The following MIS18BP1 variants were observed in gnomAD, a reference collection of about 807,000 sequenced individuals.
MIS18BP1 encodes MIS18 binding protein 1, also known as mis18-binding protein 1.
MIS18BP1 carries 72 observed loss-of-function variants against 116.1 expected under a neutral mutation model. The ratio of observed to expected loss-of-function variants is 0.62; its 90% CI spans 0.51 to 0.75. MIS18BP1 has a LOEUF of 0.75. Ranked by LOEUF, MIS18BP1 falls within the 30% of genes least tolerant of loss-of-function variation. MIS18BP1 has a pLI of 0.00. For missense variants in MIS18BP1, 1,363 were observed against 1,303.2 expected (o/e 1.05, Z -0.71); for synonymous variants, 386 against 427.0 (o/e 0.90, Z 1.18).
intron 13 of MIS18BP1, among the ~76,000 whole-genome samples, chr14:45,215,353 C>T (rs1398482884): frequency 6.6e-6 from 1 of 152,186 alleles, no homozygotes; most frequent in African/African-American, 2.4e-5. Context: ...AGCTCACTAA[C>T]ACAACTGTTT....
intron 13 of MIS18BP1, among the ~76,000 whole-genome samples, chr14:45,214,221 T>TC (rs1463027145): frequency 1.3e-5 from 2 of 152,212 alleles, no homozygotes; most frequent in East Asian, 3.8e-4. Context: ...TGTCTCCTGC[T>TC]CGTCCCTGGG....
chr14:45,245,947 A>G (rs1200250745), intron 2 of MIS18BP1, among the ~76,000 whole-genome samples: 1 of 152,166 alleles, frequency 6.6e-6, no homozygotes, highest in East Asian at 1.9e-4. Context: ...CCCGCACTCC[A>G]TTCCTCCTTC....
intron 7 of MIS18BP1, among the ~76,000 whole-genome samples, chr14:45,231,661 G>A (rs1265728813): frequency 6.6e-6 from 1 of 152,032 alleles, no homozygotes; most frequent in African/African-American, 2.4e-5. Context: ...TATTATCTAC[G>A]GCTGCTCTTC....
chr14:45,235,208 A>C (rs985685046), intron 6 of MIS18BP1, among the ~76,000 whole-genome samples: 4 of 124,418 alleles, frequency 3.2e-5, no homozygotes, highest in African/African-American at 7.3e-5. Context: ...CTCCATCTCC[A>C]AAAAAAAAAA....
chr14:45,206,050 A>G (rs768169654), intron 15 of MIS18BP1, 33 bp downstream of exon 15: 20 of 1,382,670 alleles, frequency 1.4e-5, no homozygotes, highest in Admixed American at 3.6e-5. Context: ...AAGTTGTTTC[A>G]TAGATATGTA....
In MIS18BP1 at chr14:45,241,989, C is replaced by T. The variant is rs200593325; in HGVS notation, c.1143+45G>A. 113 of 1,528,946 alleles carry T rather than the reference C, an allele frequency of 7.4e-5. No individual in the cohort carries two copies. The Middle Eastern group carries it at 1.9e-3, about 26-fold the overall frequency. 94.7% of individuals were successfully genotyped at this position (1,528,946 alleles called of 1,614,324 possible). A position where few individuals can be genotyped will look rare whatever the true frequency, so the allele number is the denominator to read the frequency against. ...ATTAAAAGCTCAAGCTCTTGAAGAA[C>T]GGGGTAAAAATAGAAATAAATATCT... is the stretch of plus-strand genomic sequence containing the variant. On this transcript the variant is annotated intron_variant, in intron 4 of 16. Transcript: ENST00000310806.
chr14:45,231,448 G>T, intron 7 of MIS18BP1, 150 bp from the exon 8 acceptor site: 1 of 616,658 alleles, frequency 1.6e-6, no homozygotes, highest in Non-Finnish European at 2.7e-6. Context: ...ATCCTTCATG[G>T]CTTTCACTCC....
Position 45,242,306 on chromosome 14 carries a change from T to C in MIS18BP1, c.871A>G (p.Asn291Asp), listed in dbSNP as rs764748871. ...QNTNAETLSTNCIPIKNGSLL... is the reference protein window; with the variant it reads ...QNTNAETLSTDCIPIKNGSLL... ...CTGCCATTTTTAATAGGAATACAATTAGTACTGAGAGTCTCAGCATTAGTA... is the reference window on the plus strand; with the variant it reads ...CTGCCATTTTTAATAGGAATACAATCAGTACTGAGAGTCTCAGCATTAGTA... The change falls in exon 4 of 17, where the codon AAT (asparagine) becomes GAT (aspartate). Residue 291 changes from asparagine (N) to aspartate (D), a missense_variant. Asn to Asp is a conservative substitution (Grantham distance 23). Coordinates refer to ENST00000310806, the MANE Select transcript of MIS18BP1 (RefSeq NM_018353.5). 4 of 1,613,962 alleles carry C rather than the reference T, an allele frequency of 2.5e-6. No individual in the cohort carries two copies. Among genetic ancestry groups the C allele is most frequent in the Admixed American group, 1.7e-5 (1 of 60,002 alleles).
chr14:45,242,320 T>TCA lies in MIS18BP1; in HGVS notation c.855_856dup (p.Glu286ValfsTer17). Reference sequence around the variant, plus strand: ...AGGAATACAATTAGTACTGAGAGTCTCAGCATTAGTATTTTGAAATTGTTC... The same window carrying TCA: ...AGGAATACAATTAGTACTGAGAGTCTCACAGCATTAGTATTTTGAAATTGTTC... On this transcript the variant is annotated frameshift_variant, in exon 4 of 17. Transcript: ENST00000310806. LOFTEE classifies it high-confidence loss of function. 1.2e-6 allele frequency: 2 copies of TCA among 1,614,074 alleles called. No homozygotes were observed. The highest frequency in any genetic ancestry group is 1.7e-6 in the Non-Finnish European group (2 of 1,179,978).
chr14:45,231,706 G>A (rs1305402212), intron 7 of MIS18BP1, among the ~76,000 whole-genome samples: 1 of 152,110 alleles, frequency 6.6e-6, no homozygotes, highest in Admixed American at 6.5e-5. Flanking sequence ...CTGCAATAGG[G>A]GCAATATGCC....
At chr14:45,231,010 T>C (rs1891258091) in intron 8 of MIS18BP1, 131 bp downstream of exon 8, 1 of 800,276 alleles carries the variant, frequency 1.2e-6, no homozygotes, top group African/African-American at 1.8e-5. Context: ...GAAGCAGGAA[T>C]GTGGGGGCAG....
chr14:45,218,702 TA>T (rs1373062491), intron 11 of MIS18BP1, among the ~76,000 whole-genome samples: 1 of 151,544 alleles, frequency 6.6e-6, no homozygotes, highest in African/African-American at 2.4e-5. Flanking sequence ...TGTGTTTTAT[TA>T]AGCCTGAAAA....
Position 45,224,238 on chromosome 14 carries a change from T to A in MIS18BP1, c.2349A>T (p.Lys783Asn). 6.2e-7 allele frequency: 1 copy of A among 1,613,918 alleles called. No individual in the cohort carries two copies. The highest frequency in any genetic ancestry group is 2.2e-5 in the East Asian group (1 of 44,860). ...TGGTTTTCTTAACTTCAGCTTTCCTTTTAATTTCCTTTTCTGTTTCACTTT... is the reference window on the plus strand; with the variant it reads ...TGGTTTTCTTAACTTCAGCTTTCCTATTAATTTCCTTTTCTGTTTCACTTT... Reference protein sequence around the residue: ...SEESETEKEIKRKAEVKKTKA... With the variant: ...SEESETEKEINRKAEVKKTKA... Residue 783 changes from lysine to asparagine, a missense_variant, in exon 11 of 17, where the codon AAA becomes AAT. Physicochemically the swap from Lys to Asn is moderately conservative, Grantham distance 94 (BLOSUM62 0). Coordinates refer to ENST00000310806, the MANE Select transcript of MIS18BP1 (RefSeq NM_018353.5).
At chr14:45,218,769 G>GT (rs949363239) in intron 11 of MIS18BP1, among the ~76,000 whole-genome samples, 30 of 151,680 alleles carry the variant, frequency 2.0e-4, no homozygotes, top group African/African-American at 7.0e-4. Context: ...CGATGATACG[G>GT]TTTTTTAGGA....
chr14:45,249,758 C>T (rs1891818508), intron 1 of MIS18BP1, among the ~76,000 whole-genome samples: 1 of 152,220 alleles, frequency 6.6e-6, no homozygotes, highest in African/African-American at 2.4e-5. Flanking sequence ...GTAGTCCCAG[C>T]TACTCAGGAG....
At chr14:45,204,579 A>G in intron 15 of MIS18BP1, 126 bp from the exon 16 acceptor site, 1 of 596,672 alleles carries the variant, frequency 1.7e-6, no homozygotes, top group Middle Eastern at 3.9e-4. Context: ...ACATTTAATC[A>G]CATTATAATT....
At chr14:45,243,658 TTAAGA>T (rs761253436) in intron 2 of MIS18BP1, among the ~76,000 whole-genome samples, 2 of 152,080 alleles carry the variant, frequency 1.3e-5, no homozygotes, top group Admixed American at 1.3e-4. Flanking sequence ...CTCAGAAATC[TTAAGA>T]TAAAGATTTC....
In MIS18BP1 at chr14:45,235,856, T is replaced by C. The variant is rs1225130383; in HGVS notation, c.1306A>G (p.Ile436Val). 1.2e-6 allele frequency: 2 copies of C among 1,610,422 alleles called. No individual in the cohort carries two copies. The highest frequency in any genetic ancestry group is 1.1e-5 in the South Asian group (1 of 90,550). Residue 436 changes from isoleucine to valine, a missense_variant, in exon 6 of 17, where the codon ATA becomes GTA. Ile to Val is a conservative substitution (Grantham distance 29). Coordinates refer to ENST00000310806, the MANE Select transcript of MIS18BP1 (RefSeq NM_018353.5). The part of the protein sequence containing the change: ...KLRTISGNVY[I>V]LKGMIDQISM... ...ATTTGGTCTATCATGCCTTTTAATA[T>C]ATAAACGTTGCCTGATATAGTCCTA...
At chr14:45,239,536 G>A (rs1421997350) in intron 4 of MIS18BP1, among the ~76,000 whole-genome samples, 3 of 152,116 alleles carry the variant, frequency 2.0e-5, no homozygotes, top group Non-Finnish European at 4.4e-5. Flanking sequence ...GGAATAAGTG[G>A]TGAGGTTGGA....
Sources: gnomAD v4.1 joint callset for allele counts (sites outside exome capture counted in the v4.1 genomes callset) on GRCh38, gnomAD v4.1.1 for gene constraint, MANE v1.5 for transcripts, NCBI Gene and HGNC (gene_info 2026-07-23, HGNC 2026-07-21) for gene names.